The following GALNT14 variants were observed in gnomAD, a reference collection of about 807,000 sequenced individuals.
GALNT14 encodes UDP-GalNAc:polypeptide N-acetylgalactosaminyltransferase 14.
A neutral mutation model predicts 77.5 loss-of-function variants in GALNT14; 60 were observed. The ratio of observed to expected loss-of-function variants is 0.77; its 90% CI spans 0.63 to 0.96. The LOEUF (loss-of-function observed/expected upper bound fraction) is 0.96. Ranked by LOEUF, GALNT14 falls within the 40% of genes least tolerant of loss-of-function variation. GALNT14 has a pLI of 0.00. For missense variants in GALNT14, 710 were observed against 731.0 expected (o/e 0.97, Z 0.33); for synonymous variants, 280 against 281.7 (o/e 0.99, Z 0.06).
chr2:31,024,070 C>T (rs926286295), intron 1 of GALNT14, among the ~76,000 whole-genome samples: 11 of 145,292 alleles, frequency 7.6e-5, no homozygotes, highest in Non-Finnish European at 1.1e-4. Flanking sequence ...GAGGCAAATC[C>T]ATGCTTCCCA....
chr2:30,978,418 G>A (rs1468114458), intron 2 of GALNT14, among the ~76,000 whole-genome samples: 3 of 152,170 alleles, frequency 2.0e-5, no homozygotes, highest in South Asian at 4.1e-4. Context: ...TCAAGCTACC[G>A]GAGTCAATTT....
intron 1 of GALNT14, among the ~76,000 whole-genome samples, chr2:31,038,113 T>A (rs1255877939): frequency 1.5e-4 from 19 of 123,010 alleles, no homozygotes; most frequent in Admixed American, 9.5e-4. Context: ...TTTTTTTTTT[T>A]AGATGGAGTC....
At chr2:30,990,023 A>G (rs575574699) in intron 2 of GALNT14, among the ~76,000 whole-genome samples, 8 of 152,176 alleles carry the variant, frequency 5.3e-5, no homozygotes, top group African/African-American at 1.7e-4. Context: ...TTGAGAACTT[A>G]GGTAAAAAGC....
At chr2:31,050,557 GA>G (rs1358358404) in intron 1 of GALNT14, among the ~76,000 whole-genome samples, 1 of 152,168 alleles carries the variant, frequency 6.6e-6, no homozygotes, top group Non-Finnish European at 1.5e-5. Flanking sequence ...TCCTGGGACA[GA>G]AAGGGGCATC....
rs1337868641 is a variant in GALNT14 at position 31,051,947 on chromosome 2, T to C, written c.130-58940A>G. On this transcript the variant is annotated intron_variant, in intron 1 of 14. Coordinates refer to ENST00000349752, the MANE Select transcript of GALNT14 (RefSeq NM_024572.4). The stretch of plus-strand genomic sequence containing the variant: ...GCCCACCCAACTCTCATTTTCAACT[T>C]AAAAACATGTTGCTCAACTTCCTGC... 8.5e-5 allele frequency among the ~76,000 whole-genome samples: 13 copies of C among 152,242 alleles called. No individual in the cohort carries two copies. The South Asian group carries it at 2.5e-3, about 29-fold the overall frequency.
At chr2:31,123,096 G>T (rs990882304) in intron 1 of GALNT14, among the ~76,000 whole-genome samples, 2 of 149,798 alleles carry the variant, frequency 1.3e-5, no homozygotes, top group African/African-American at 4.9e-5. Flanking sequence ...GTAGGAGGAC[G>T]GCATGAACTC....
At chr2:31,024,119 C>T (rs1671901086) in intron 1 of GALNT14, among the ~76,000 whole-genome samples, 1 of 152,028 alleles carries the variant, frequency 6.6e-6, no homozygotes, top group South Asian at 2.1e-4. Flanking sequence ...CTTGACTCCT[C>T]TATCTCAATC....
chr2:30,895,388 G>A, the GALNT14 span, among the ~76,000 whole-genome samples: 1 of 152,260 alleles, frequency 6.6e-6, no homozygotes, highest in South Asian at 2.1e-4. Context: ...GTTCCACAAG[G>A]ACACAAGGGT....
intron 1 of GALNT14, among the ~76,000 whole-genome samples, chr2:30,996,362 G>A (rs897543137): frequency 6.6e-6 from 1 of 152,260 alleles, no homozygotes; most frequent in Non-Finnish European, 1.5e-5. Flanking sequence ...TGGAGAAAAC[G>A]TCTCTGGCCA....
chr2:30,906,926 C>T (rs533332800), downstream of GALNT14, among the ~76,000 whole-genome samples: 5 of 152,314 alleles, frequency 3.3e-5, no homozygotes, highest in African/African-American at 9.6e-5. Context: ...CACGCAACTA[C>T]ATGGAAACTG....
chr2:30,910,877 C>T lies in GALNT14; in HGVS notation c.*24G>A. Reference sequence around the variant, plus strand: ...GTCCAGGGAAGCACCACCCCATGGCCCTTGCTGCTTCTGGCAGGGGTCCTC... The same window carrying T: ...GTCCAGGGAAGCACCACCCCATGGCTCTTGCTGCTTCTGGCAGGGGTCCTC... On this transcript the variant is annotated 3_prime_UTR_variant, in exon 15 of 15. Transcript: ENST00000349752. The T allele has an allele frequency of 6.2e-7, 1 of 1,611,608 alleles. No individual in the cohort carries two copies. The highest frequency in any genetic ancestry group is 8.5e-7 in the Non-Finnish European group (1 of 1,178,810).
intron 1 of GALNT14, among the ~76,000 whole-genome samples, chr2:31,099,549 T>C (rs1347668096): frequency 1.3e-5 from 2 of 152,132 alleles, no homozygotes; most frequent in Non-Finnish European, 1.5e-5. Context: ...TACATTTCGT[T>C]TTCATTTGGA....
intron 1 of GALNT14, among the ~76,000 whole-genome samples, chr2:31,043,057 A>C (rs1673198035): frequency 6.6e-6 from 1 of 151,972 alleles, no homozygotes; most frequent in African/African-American, 2.4e-5. Flanking sequence ...TCCTCATCCC[A>C]GCACACTCCA....
At chr2:30,999,085 C>T (rs56329109) in intron 1 of GALNT14, among the ~76,000 whole-genome samples, 1,645 of 152,310 alleles carry the variant, frequency 0.011, 29 homozygotes, top group African/African-American at 0.038. Flanking sequence ...CGGGGATGTG[C>T]TGCCAGGTTA....
At chr2:31,054,795 T>G (rs1399284791) in intron 1 of GALNT14, among the ~76,000 whole-genome samples, 1 of 152,228 alleles carries the variant, frequency 6.6e-6, no homozygotes, top group African/African-American at 2.4e-5. Context: ...CCGGTCCCCA[T>G]GCTAATCAGA....
intron 1 of GALNT14, among the ~76,000 whole-genome samples, chr2:31,048,826 AGTG>A (rs907315510): frequency 6.6e-6 from 1 of 152,090 alleles, no homozygotes; most frequent in African/African-American, 2.4e-5. Flanking sequence ...ACCCCAGAGA[AGTG>A]CCCCACGTCC....
chr2:30,985,707 C>A (rs1669257935), intron 2 of GALNT14, among the ~76,000 whole-genome samples: 1 of 152,108 alleles, frequency 6.6e-6, no homozygotes, highest in Non-Finnish European at 1.5e-5. Flanking sequence ...GCACTTAGGC[C>A]CACTATCAAC....
chr2:30,961,084 C>CA (rs1195332195), intron 3 of GALNT14, among the ~76,000 whole-genome samples: 5 of 152,228 alleles, frequency 3.3e-5, no homozygotes, highest in Non-Finnish European at 5.9e-5. Flanking sequence ...AGTGTAGGCT[C>CA]AGAGGCCAGG....
intron 11 of GALNT14, among the ~76,000 whole-genome samples, chr2:30,927,923 C>A (rs952491732): frequency 6.6e-6 from 1 of 152,132 alleles, no homozygotes; most frequent in African/African-American, 2.4e-5. Flanking sequence ...GGTGCAAAGT[C>A]AGATTCATCC....
Sources: allele counts gnomAD v4.1 joint callset (sites outside exome capture counted in the v4.1 genomes callset), GRCh38; gene constraint gnomAD v4.1.1; transcripts MANE v1.5; gene names NCBI Gene and HGNC (gene_info 2026-07-23, HGNC 2026-07-21).